The following WDFY3 variants were observed in gnomAD, a reference collection of about 807,000 sequenced individuals.
WDFY3 encodes the protein WD repeat and FYVE domain containing 3.
A neutral mutation model predicts 409.6 loss-of-function variants in WDFY3; 66 were observed. The observed-to-expected ratio is 0.16, with a 90% CI of 0.13 to 0.20. The LOEUF (loss-of-function observed/expected upper bound fraction) is 0.20. Ranked by LOEUF, WDFY3 falls within the 10% of genes least tolerant of loss-of-function variation. The pLI is 1.00. For missense variants in WDFY3, 3,031 were observed against 4,298.1 expected, an observed-to-expected ratio of 0.71 and a Z score of 8.24; for synonymous variants, 1,521 against 1,537.1, an observed-to-expected ratio of 0.99 and a Z score of 0.25.
At chr4:84,781,397 T>C (rs904643263) in intron 25 of WDFY3, among the ~76,000 whole-genome samples, 1 of 149,292 alleles carries the variant, frequency 6.7e-6, no homozygotes, top group African/African-American at 2.5e-5. Context: ...CTTTTGTTTT[T>C]TTTTTTTTTT....
intron 1 of WDFY3, among the ~76,000 whole-genome samples, chr4:84,946,570 C>G (rs1436896620): frequency 1.3e-5 from 2 of 152,074 alleles, no homozygotes; most frequent in African/African-American, 4.8e-5. Context: ...GCAGGGTTAT[C>G]TCTACTAGTG....
chr4:84,857,695 C>T (rs1759961317), intron 4 of WDFY3, among the ~76,000 whole-genome samples: 1 of 152,094 alleles, frequency 6.6e-6, no homozygotes, highest in Non-Finnish European at 1.5e-5. Flanking sequence ...TATTTTAAAC[C>T]TTTCCCCACC....
chr4:84,686,169 G>A (rs945521600), intron 62 of WDFY3, among the ~76,000 whole-genome samples: 9 of 152,156 alleles, frequency 5.9e-5, no homozygotes, highest in Admixed American at 2.6e-4. Context: ...AGCTGGGCGC[G>A]GTGGTGGGCA....
intron 4 of WDFY3, among the ~76,000 whole-genome samples, chr4:84,850,968 T>TTTTTTTTTTTTTTTTTTTTTTTTTTTTC (rs1758919416): frequency 8.7e-6 from 1 of 114,484 alleles, no homozygotes; most frequent in Admixed American, 9.5e-5. Flanking sequence ...TTTTTTTTTT[T>TTTTTTTTTTTTTTTTTTTTTTTTTTTTC]TGAGAACTGG....
At chr4:84,799,285 T>C (rs1406329535) in intron 17 of WDFY3, among the ~76,000 whole-genome samples, 2 of 151,576 alleles carry the variant, frequency 1.3e-5, no homozygotes, top group African/African-American at 2.4e-5. Flanking sequence ...GTCTCCCAAA[T>C]AACAAGGACT....
intron 64 of WDFY3, among the ~76,000 whole-genome samples, chr4:84,680,497 T>C (rs975612612): frequency 6.6e-6 from 1 of 152,164 alleles, no homozygotes; most frequent in African/African-American, 2.4e-5. Flanking sequence ...CTTTGGAATT[T>C]TGTTCTTCTT....
intron 4 of WDFY3, among the ~76,000 whole-genome samples, chr4:84,851,787 G>A (rs1455697127): frequency 6.6e-6 from 1 of 152,094 alleles, no homozygotes; most frequent in Non-Finnish European, 1.5e-5. Context: ...TGAGAGGTAA[G>A]TTCTAAGACC....
At chr4:84,673,721 A>T (rs1725801826) in intron 67 of WDFY3, among the ~76,000 whole-genome samples, 1 of 152,102 alleles carries the variant, frequency 6.6e-6, no homozygotes, top group Admixed American at 6.5e-5. Context: ...GGTGTGACTC[A>T]GGATGTGGTA....
At position 84,808,432 on chromosome 4, in the gene WDFY3, A is replaced by G; in HGVS notation, c.2346-15T>C. On this transcript the variant is annotated splice_polypyrimidine_tract_variant and intron_variant, in intron 14 of 67. Transcript: ENST00000295888. ...GTTCTGCACGACTACAGACAACAAA[A>G]CAGACAGGGTGGTTTAGAGAGGTTA... The G allele has an allele frequency of 2.5e-6, 4 of 1,612,818 alleles. No homozygotes were observed. The highest frequency in any genetic ancestry group is 2.5e-6 in the Non-Finnish European group (3 of 1,179,144).
intron 24 of WDFY3, among the ~76,000 whole-genome samples, chr4:84,783,585 C>T (rs1196841481): frequency 2.6e-5 from 4 of 152,116 alleles, no homozygotes; most frequent in Non-Finnish European, 1.5e-5. Flanking sequence ...CTTCAGGGGT[C>T]TTTGTGAATG....
intron 67 of WDFY3, among the ~76,000 whole-genome samples, chr4:84,673,198 T>C (rs528395056): frequency 6.6e-6 from 1 of 152,296 alleles, no homozygotes; most frequent in Admixed American, 6.5e-5. Flanking sequence ...AGGGAAGCTA[T>C]TTCTTTGACT....
At chr4:84,889,282 C>A (rs1764631271) in intron 3 of WDFY3, among the ~76,000 whole-genome samples, 1 of 152,134 alleles carries the variant, frequency 6.6e-6, no homozygotes. Context: ...ATTATCCATA[C>A]TAAAATGTGT....
intron 6 of WDFY3, among the ~76,000 whole-genome samples, chr4:84,840,256 T>C (rs1441284098): frequency 1.3e-5 from 2 of 152,156 alleles, no homozygotes; most frequent in Non-Finnish European, 2.9e-5. Context: ...ACATATTTCA[T>C]GACAGATAAT....
At chr4:84,917,024 C>T (rs1349365546) in intron 2 of WDFY3, among the ~76,000 whole-genome samples, 1 of 151,990 alleles carries the variant, frequency 6.6e-6, no homozygotes, top group African/African-American at 2.4e-5. Flanking sequence ...TATCTATGAA[C>T]AGATACATAT....
intron 7 of WDFY3, among the ~76,000 whole-genome samples, chr4:84,832,344 C>T (rs553296215): frequency 6.6e-6 from 1 of 151,818 alleles, no homozygotes; most frequent in East Asian, 1.9e-4. Context: ...TAAGGGAAGG[C>T]GAGTGGGGCA....
At chr4:84,877,929 G>C (rs1312899156) in intron 3 of WDFY3, among the ~76,000 whole-genome samples, 1 of 152,120 alleles carries the variant, frequency 6.6e-6, no homozygotes, top group Non-Finnish European at 1.5e-5. Flanking sequence ...ATAGACCAAA[G>C]GGGGCAAATT....
chr4:84,778,726 C>G, intron 26 of WDFY3, 71 bp from the exon 27 acceptor site: 1 of 1,461,516 alleles, frequency 6.8e-7, no homozygotes, highest in Non-Finnish European at 9.3e-7. Flanking sequence ...CACAAACACA[C>G]ACATACACAC....
intron 1 of WDFY3, among the ~76,000 whole-genome samples, chr4:84,943,724 A>C (rs1772439699): frequency 1.3e-5 from 2 of 152,200 alleles, no homozygotes; most frequent in Admixed American, 6.5e-5. Context: ...CAAAACAAAA[A>C]AAACTGCTCT....
chr4:84,806,445 T>C (rs1751519856), intron 15 of WDFY3, among the ~76,000 whole-genome samples: 1 of 152,190 alleles, frequency 6.6e-6, no homozygotes, highest in Non-Finnish European at 1.5e-5. Flanking sequence ...TATACTGATT[T>C]AGTGACAGTT....
Sources: gnomAD v4.1 joint callset for allele counts (sites outside exome capture counted in the v4.1 genomes callset) on GRCh38, gnomAD v4.1.1 for gene constraint, MANE v1.5 for transcripts, NCBI Gene and HGNC (gene_info 2026-07-23, HGNC 2026-07-21) for gene names.